Variants in ANKAR observed in about 807,000 individuals in gnomAD.
ANKAR encodes the protein ankyrin and armadillo repeat containing.
ANKAR carries 136 observed loss-of-function variants against 146.2 expected under a neutral mutation model. The observed-to-expected ratio is 0.93, with a 90% CI of 0.81 to 1.07. The LOEUF is 1.07. Ranked by LOEUF, ANKAR falls within the 50% of genes least tolerant of loss-of-function variation. The pLI, the probability that ANKAR is intolerant of heterozygous loss-of-function variation, is 0.00. For synonymous variants in ANKAR, 500 were observed against 575.8 expected (o/e 0.87, Z 1.88); for missense variants, 1,567 against 1,679.9 (o/e 0.93, Z 1.18).
exon 19 of ANKAR, chr2:189,761,126 A>C (rs1253093057): frequency 2.6e-5 from 6 of 230,446 alleles, no homozygotes; most frequent in Admixed American, 5.6e-5. Context: ...TGAGACCATG[A>C]AACATAGAAG....
chr2:189,705,010 C>T lies in ANKAR; in HGVS notation c.1709-13C>T, dbSNP rs1402126435. 2.5e-6 allele frequency: 4 copies of T among 1,612,220 alleles called. No individual in the cohort carries two copies. The highest frequency in any genetic ancestry group is 3.4e-6 in the Non-Finnish European group (4 of 1,178,740). On this transcript the variant is annotated splice_polypyrimidine_tract_variant and intron_variant, in intron 7 of 22. Coordinates refer to ENST00000684021, the MANE Select transcript of ANKAR (RefSeq NM_001378068.1). ...GTGCTGTGATCACTGAAGTAATTGT[C>T]CATCCATTCTAGGTCCAACACCTCT...
chr2:189,707,233 C>A (rs1253709115), intron 9 of ANKAR, 87 bp downstream of exon 9: 8 of 594,748 alleles, frequency 1.3e-5, no homozygotes, highest in African/African-American at 1.9e-5. Flanking sequence ...TAAAATAATA[C>A]ATGCATTATA....
intron 12 of ANKAR, among the ~76,000 whole-genome samples, chr2:189,722,076 G>A (rs1249083368): frequency 6.6e-6 from 1 of 152,108 alleles, no homozygotes. Context: ...CAGGCGTGGT[G>A]GCTCACACCT....
chr2:189,754,080 G>A (rs376427339), intron 18 of ANKAR: 6 of 1,611,854 alleles, frequency 3.7e-6, no homozygotes. Context: ...GAAATGAGCA[G>A]CTATTTTTAG....
intron 7 of ANKAR, among the ~76,000 whole-genome samples, chr2:189,702,427 A>G (rs2038209841): frequency 6.6e-6 from 1 of 152,156 alleles, no homozygotes; most frequent in Non-Finnish European, 1.5e-5. Flanking sequence ...TTGTGAATTA[A>G]TGTTAAGGTT....
intron 17 of ANKAR, among the ~76,000 whole-genome samples, chr2:189,736,296 G>A (rs2105873369): frequency 6.6e-6 from 1 of 152,226 alleles, no homozygotes; most frequent in South Asian, 2.1e-4. Context: ...TCAAGTCTTA[G>A]CATATTTCTC....
intron 21 of ANKAR, 104 bp downstream of exon 21, chr2:189,743,578 T>C: frequency 1.0e-6 from 1 of 999,366 alleles, no homozygotes; most frequent in Non-Finnish European, 1.5e-6. Context: ...GATATGAACA[T>C]ATCTCCTGTA....
At chr2:189,698,921 A>C (rs1451946628) in intron 7 of ANKAR, among the ~76,000 whole-genome samples, 1 of 152,214 alleles carries the variant, frequency 6.6e-6, no homozygotes, top group Non-Finnish European at 1.5e-5. Flanking sequence ...TTTCCAGTTG[A>C]GTAACAATAG....
chr2:189,689,479 C>A, intron 2 of ANKAR, 48 bp from the exon 3 acceptor site: 15 of 1,441,522 alleles, frequency 1.0e-5, no homozygotes, highest in Non-Finnish European at 1.4e-5. Flanking sequence ...ATCCAGAAGC[C>A]AAATATGAAA....
Position 189,720,798 on chromosome 2 carries a change from A to C in ANKAR, c.2635+11A>C, listed in dbSNP as rs2041149346. 1 of 1,453,376 alleles carries C rather than the reference A, an allele frequency of 6.9e-7. No homozygotes were observed. The highest frequency in any genetic ancestry group is 1.5e-5 in the African/African-American group (1 of 68,710). The allele number at this position is 1,453,376 out of a possible 1,614,324, so 90.0% of individuals were successfully genotyped here. A position where few individuals can be genotyped will look rare whatever the true frequency, so the allele number is the denominator to read the frequency against. ...TGAGTTCTGATTCAGGTGAGCTTCT[A>C]TCTCTGTATTATTTTATAATGACCA... On this transcript the variant is annotated intron_variant, in intron 12 of 22. Coordinates refer to ENST00000684021, the MANE Select transcript of ANKAR (RefSeq NM_001378068.1).
chr2:189,734,108 C>G (rs1248772286), intron 17 of ANKAR, among the ~76,000 whole-genome samples: 1 of 152,158 alleles, frequency 6.6e-6, no homozygotes, highest in Non-Finnish European at 1.5e-5. Flanking sequence ...CTCACCTTCC[C>G]AGTACATCAT....
intron 9 of ANKAR, among the ~76,000 whole-genome samples, chr2:189,710,422 A>G (rs565568485): frequency 3.2e-4 from 48 of 152,300 alleles, no homozygotes; most frequent in African/African-American, 1.1e-3. Context: ...TTATTTAACA[A>G]TTAATTTTAG....
intron 3 of ANKAR, 103 bp downstream of exon 3, chr2:189,690,067 C>T (rs909479524): frequency 2.0e-4 from 144 of 728,656 alleles, no homozygotes; most frequent in Non-Finnish European, 2.6e-4. Flanking sequence ...AGTAACCTAG[C>T]TATAACCTGT....
chr2:189,736,489 A>G (rs1250003126), intron 17 of ANKAR, among the ~76,000 whole-genome samples: 4 of 72,368 alleles, frequency 5.5e-5, no homozygotes, highest in Non-Finnish European at 9.3e-5. Flanking sequence ...TTGCCTATTT[A>G]GGTGACTGGG....
At chr2:189,699,885 C>T (rs1371917717) in intron 7 of ANKAR, among the ~76,000 whole-genome samples, 1 of 152,076 alleles carries the variant, frequency 6.6e-6, no homozygotes, top group East Asian at 1.9e-4. Context: ...AGGCTGGTCT[C>T]GAACTCCTAA....
intron 7 of ANKAR, among the ~76,000 whole-genome samples, chr2:189,699,846 A>G (rs1254293139): frequency 1.3e-5 from 2 of 152,020 alleles, no homozygotes; most frequent in South Asian, 2.1e-4. Flanking sequence ...TTGTATTTTT[A>G]GTAGAGACAG....
chr2:189,711,996 C>T (rs189806836), intron 10 of ANKAR, among the ~76,000 whole-genome samples: 42 of 152,266 alleles, frequency 2.8e-4, no homozygotes, highest in African/African-American at 9.9e-4. Flanking sequence ...TCACTGCTAG[C>T]GCGGCAGTCT....
rs2036133757 is a variant in ANKAR, at chr2:189,689,823, C to G, written c.898C>G (p.Gln300Glu). The part of the protein sequence containing the change: ...QRLYLQKKII[Q>E]KHFEKKKDIR... ...ATTATATCTTCAAAAAAAGATTATT[C>G]AAAAACACTTTGAGAAGAAAAAAGA... Residue 300 changes from glutamine to glutamate, a missense_variant, in exon 3 of 23, where the codon CAA becomes GAA. Gln to Glu is a conservative substitution (Grantham distance 29, BLOSUM62 2). Transcript: ENST00000684021. The G allele has an allele frequency of 6.2e-7, 1 of 1,604,584 alleles. No individual in the cohort carries two copies. The highest frequency in any genetic ancestry group is 8.5e-7 in the Non-Finnish European group (1 of 1,176,440).
chr2:189,726,317 A>T (rs1276953484), intron 12 of ANKAR, among the ~76,000 whole-genome samples: 1 of 152,158 alleles, frequency 6.6e-6, no homozygotes, highest in South Asian at 2.1e-4. Flanking sequence ...CCAGAACCTA[A>T]TGTCACTTTT....
Sources: allele counts gnomAD v4.1 joint callset (sites outside exome capture counted in the v4.1 genomes callset), GRCh38; gene constraint gnomAD v4.1.1; transcripts MANE v1.5; gene names NCBI Gene and HGNC (gene_info 2026-07-23, HGNC 2026-07-21).